The following NHSL2 variants were observed in gnomAD, a reference collection of about 807,000 sequenced individuals.
NHSL2 encodes NHS like 2.
Under a neutral mutation model 53.4 loss-of-function variants are expected in NHSL2, and 27 were observed. That is an observed-to-expected ratio of 0.51 (90% CI 0.37 to 0.70). The LOEUF is 0.70. NHSL2 is among the 30% of genes least tolerant of loss of function. The pLI is 0.00. For missense variants in NHSL2, 892 were observed against 980.1 expected (o/e 0.91, Z 1.20); for synonymous variants, 408 against 404.1 (o/e 1.01, Z -0.12).
At chrX:71,952,591 T>G (rs1025554251) in intron 1 of NHSL2, among the ~76,000 whole-genome samples, 2 of 110,841 alleles carry the variant, frequency 1.8e-5, no homozygotes, top group East Asian at 5.7e-4. Context: ...CCCTCAAGCT[T>G]CTTCTATAAG....
intron 1 of NHSL2, among the ~76,000 whole-genome samples, chrX:71,957,119 A>G (rs2147845584): frequency 8.9e-6 from 1 of 112,395 alleles, no homozygotes; most frequent in South Asian, 3.7e-4. Context: ...AATGTTCAGT[A>G]AACCCCATGG....
intron 1 of NHSL2, among the ~76,000 whole-genome samples, chrX:71,941,320 G>A (rs188277867): frequency 1.8e-5 from 2 of 111,887 alleles, no homozygotes; most frequent in Non-Finnish European, 3.8e-5. Context: ...GATAGGTCAG[G>A]TCACCCCTTA....
chrX:72,050,924 AC>A (rs927087107), intron 1 of NHSL2, among the ~76,000 whole-genome samples: 6 of 109,550 alleles, frequency 5.5e-5, no homozygotes, highest in Non-Finnish European at 1.1e-4. Flanking sequence ...ACCAAACCAA[AC>A]CAAAACCACG....
chrX:71,925,980 G>C (rs1179363223), intron 1 of NHSL2, among the ~76,000 whole-genome samples: 1 of 111,381 alleles, frequency 9.0e-6, no homozygotes, highest in East Asian at 2.8e-4. Context: ...ACTGAGTTGG[G>C]ATAGGATCTG....
chrX:71,980,562 TGTGTGGG>T (rs1171127031), intron 1 of NHSL2, among the ~76,000 whole-genome samples: 44 of 1,814 alleles, frequency 0.024, no homozygotes, highest in African/African-American at 0.052. Flanking sequence ...GTGTGTGGGG[TGTGTGGG>T]GTGTGTGTGT....
At chrX:71,995,778 T>C (rs1395765597) in intron 1 of NHSL2, among the ~76,000 whole-genome samples, 2 of 112,555 alleles carry the variant, frequency 1.8e-5, no homozygotes, top group African/African-American at 3.2e-5. Flanking sequence ...ACTCATTTGT[T>C]TTATTCATTG....
intron 1 of NHSL2, among the ~76,000 whole-genome samples, chrX:71,960,215 T>C (rs1378181325): frequency 8.9e-6 from 1 of 112,524 alleles, no homozygotes; most frequent in East Asian, 2.8e-4. Flanking sequence ...GGGTGATTTG[T>C]CTTTTTATTG....
intron 1 of NHSL2, among the ~76,000 whole-genome samples, chrX:72,000,847 A>C (rs1210594437): frequency 8.9e-6 from 1 of 112,407 alleles, no homozygotes; most frequent in Non-Finnish European, 1.9e-5. Flanking sequence ...AAGTAACTTT[A>C]ACTCCACCTG....
At chrX:71,991,442 C>T (rs1029773314) in intron 1 of NHSL2, among the ~76,000 whole-genome samples, 2 of 112,847 alleles carry the variant, frequency 1.8e-5, no homozygotes, top group Non-Finnish European at 3.7e-5. Flanking sequence ...TTCCCAGTGT[C>T]ATCTAATATA....
At chrX:72,132,622 G>A (rs1440349229) in intron 2 of NHSL2, among the ~76,000 whole-genome samples, 5 of 110,848 alleles carry the variant, frequency 4.5e-5, no homozygotes, top group Admixed American at 2.9e-4. Context: ...AGACAAAGGG[G>A]GCATCTGCAG....
chrX:72,069,793 G>A, intron 1 of NHSL2: 2 of 763,369 alleles, frequency 2.6e-6, no homozygotes, highest in Non-Finnish European at 3.4e-6. Context: ...GGCTCCTACA[G>A]CCAGGGCCTC....
intron 1 of NHSL2, among the ~76,000 whole-genome samples, chrX:71,946,066 C>G (rs1467021624): frequency 8.9e-6 from 1 of 112,174 alleles, no homozygotes; most frequent in African/African-American, 3.2e-5. Context: ...TTGTCTTCAG[C>G]AACTTGTACC....
At chrX:72,107,636 C>T (rs1263651976) in intron 1 of NHSL2, among the ~76,000 whole-genome samples, 1 of 112,014 alleles carries the variant, frequency 8.9e-6, no homozygotes, top group African/African-American at 3.3e-5. Context: ...CACCAACAGA[C>T]AGAAGACAGA....
At chrX:72,134,487 C>T in intron 3 of NHSL2, 22 bp from the exon 4 acceptor site, 1 of 1,143,601 alleles carries the variant, frequency 8.7e-7, no homozygotes, top group Non-Finnish European at 1.2e-6. Flanking sequence ...TACACCCTTT[C>T]CATCACCTTC....
chrX:72,137,213 C>T lies in NHSL2; in HGVS notation c.880C>T (p.Gln294Ter). Residue 294 changes from glutamine (Q) to a stop codon, truncating the protein, a stop_gained, in exon 5 of 8, where the codon CAG becomes TAG. Transcript: ENST00000633930. LOFTEE classifies it high-confidence loss of function. ...RTIIGFSNFSQRDQGHSNSPA... is the reference protein window; with the variant it reads ...RTIIGFSNFS The stretch of plus-strand genomic sequence containing the variant: ...CATTATTGGATTCTCTAACTTTTCC[C>T]AGCGAGACCAAGGTGACCCCACCAC... The T allele has an allele frequency of 8.6e-7, 1 of 1,166,736 alleles. No homozygotes were observed. The highest frequency in any genetic ancestry group is 1.1e-6 in the Non-Finnish European group (1 of 872,174).
chrX:72,126,711 T>C (rs1387233212), intron 1 of NHSL2, among the ~76,000 whole-genome samples: 1 of 111,827 alleles, frequency 8.9e-6, no homozygotes, highest in Non-Finnish European at 1.9e-5. Context: ...CTCTGGGGAC[T>C]TGTGATTCAT....
chrX:72,089,420 G>A (rs1334701698), intron 1 of NHSL2, among the ~76,000 whole-genome samples: 6 of 111,374 alleles, frequency 5.4e-5, no homozygotes, highest in Non-Finnish European at 1.1e-4. Flanking sequence ...GTACTCACTC[G>A]CTAATGGGCA....
At chrX:72,131,253 G>T in intron 1 of NHSL2, 1 of 1,201,551 alleles carries the variant, frequency 8.3e-7, no homozygotes, top group Non-Finnish European at 1.1e-6. Context: ...AGATACAGTC[G>T]GGCTCCGCGC....
intron 1 of NHSL2, among the ~76,000 whole-genome samples, chrX:71,929,830 C>T (rs1008550686): frequency 1.8e-5 from 2 of 110,377 alleles, no homozygotes; most frequent in East Asian, 5.7e-4. Context: ...TTATGGCTCG[C>T]TGCAGCCTCA....
Sources: allele counts gnomAD v4.1 joint callset (sites outside exome capture counted in the v4.1 genomes callset), GRCh38; gene constraint gnomAD v4.1.1; transcripts MANE v1.5; gene names NCBI Gene and HGNC (gene_info 2026-07-23, HGNC 2026-07-21).